The following PACS1 variants were observed in gnomAD, a reference collection of about 807,000 sequenced individuals.
PACS1 encodes phosphofurin acidic cluster sorting protein 1, also known as PACS-1.
A neutral mutation model predicts 115.0 loss-of-function variants in PACS1; 24 were observed. The ratio of observed to expected loss-of-function variants is 0.21; its 90% CI spans 0.15 to 0.29. The LOEUF (loss-of-function observed/expected upper bound fraction) is 0.29, where lower values mean the gene tolerates loss of function less well. Among genes scored for constraint, PACS1 ranks in the 10% least tolerant of loss-of-function variants. PACS1 has a pLI of 1.00. For missense variants in PACS1, 838 were observed against 1,251.2 expected (o/e 0.67, Z 4.98); for synonymous variants, 453 against 504.5 (o/e 0.90, Z 1.37).
intron 1 of PACS1, among the ~76,000 whole-genome samples, chr11:66,120,699 A>T (rs2134560986): frequency 1.3e-5 from 2 of 152,306 alleles, no homozygotes; most frequent in African/African-American, 4.8e-5. Flanking sequence ...CCTCCTGGGA[A>T]TGATAATAAT....
rs537020792 is a variant in PACS1, at chr11:66,213,026, T to C, written c.660+1767T>C. The stretch of plus-strand genomic sequence containing the variant: ...CACCATGCCCGGCTAATTTTTTTTA[T>C]ATTTTTAGTAGAGATGGGGTTTCAC... On this transcript the variant is annotated intron_variant, in intron 4 of 23. Transcript: ENST00000320580. 2.0e-5 allele frequency among the ~76,000 whole-genome samples: 3 copies of C among 152,256 alleles called. 1 individual carries two copies. The South Asian group carries it at 6.2e-4, about 32-fold the overall frequency.
chr11:66,100,984 C>T (rs56269595), intron 1 of PACS1: 81,486 of 445,362 alleles, frequency 0.18, 9,374 homozygotes, highest in Admixed American at 0.37. Flanking sequence ...CTCATTTCTA[C>T]TGCATTCTGC....
At chr11:66,232,356 A>G (rs1855614732) in intron 14 of PACS1, 80 bp downstream of exon 14, 2 of 801,240 alleles carry the variant, frequency 2.5e-6, no homozygotes, top group Admixed American at 3.9e-5. Flanking sequence ...TGGCCTCCAT[A>G]CTATTGCGTG....
At chr11:66,232,601 C>T (rs1035204692) in intron 14 of PACS1, among the ~76,000 whole-genome samples, 5 of 152,226 alleles carry the variant, frequency 3.3e-5, no homozygotes, top group African/African-American at 1.2e-4. Flanking sequence ...TGTAGAGAAG[C>T]ACCCGGCTGT....
chr11:66,212,063 G>A (rs2134701782), intron 4 of PACS1, among the ~76,000 whole-genome samples: 1 of 152,274 alleles, frequency 6.6e-6, no homozygotes, highest in East Asian at 1.9e-4. Context: ...TCTGTTCTCA[G>A]TGCAGCTTAG....
intron 1 of PACS1, among the ~76,000 whole-genome samples, chr11:66,136,161 AC>A (rs950100794): frequency 3.3e-5 from 5 of 151,958 alleles, no homozygotes; most frequent in Non-Finnish European, 7.4e-5. Context: ...CTCACACTCA[AC>A]CCTCCAGCAC....
chr11:66,140,966 T>C (rs771451372), intron 1 of PACS1, among the ~76,000 whole-genome samples: 12 of 152,180 alleles, frequency 7.9e-5, no homozygotes, highest in Non-Finnish European at 1.5e-4. Flanking sequence ...ACCATACATA[T>C]CGTGGTATCT....
At position 66,180,542 on chromosome 11, in the gene PACS1, A is replaced by T. The variant is rs1859984933; in HGVS notation, c.357-12944A>T. Among the ~76,000 whole-genome samples the T allele has an allele frequency of 2.0e-5, 3 of 152,100 alleles. No homozygotes were observed. The South Asian group carries it at 6.2e-4, about 32-fold the overall frequency. ...GCTAATTTTTGTATTTTTAGTAGAG[A>T]CAGGGTTTCACCATGTTGGCCAAAA... On this transcript the variant is annotated intron_variant, in intron 1 of 23. Coordinates refer to ENST00000320580, the MANE Select transcript of PACS1 (RefSeq NM_018026.4).
chr11:66,197,861 T>C (rs920649240), intron 2 of PACS1, among the ~76,000 whole-genome samples: 2 of 152,244 alleles, frequency 1.3e-5, no homozygotes, highest in Non-Finnish European at 2.9e-5. Context: ...AATGCTCCTC[T>C]GTTTTCCAAC....
chr11:66,123,201 T>TTG (rs1858485346), intron 1 of PACS1, among the ~76,000 whole-genome samples: 1 of 151,508 alleles, frequency 6.6e-6, no homozygotes, highest in African/African-American at 2.4e-5. Flanking sequence ...TTTTTTTTTT[T>TTG]TTTTTAATGA....
chr11:66,105,869 G>A (rs556151818), intron 1 of PACS1, among the ~76,000 whole-genome samples: 1 of 152,226 alleles, frequency 6.6e-6, no homozygotes, highest in East Asian at 1.9e-4. Flanking sequence ...AAGCATCCTT[G>A]GCTGGAACCT....
chr11:66,132,506 C>G (rs1394445260), intron 1 of PACS1, among the ~76,000 whole-genome samples: 1 of 152,080 alleles, frequency 6.6e-6, no homozygotes, highest in African/African-American at 2.4e-5. Context: ...TACACACATC[C>G]TCCCTCGTAC....
intron 1 of PACS1, among the ~76,000 whole-genome samples, chr11:66,149,487 T>G (rs1171619450): frequency 6.6e-6 from 1 of 152,102 alleles, no homozygotes; most frequent in African/African-American, 2.4e-5. Context: ...AAATAAGAGG[T>G]TTTTTTCCTA....
In PACS1 at chr11:66,166,873, C is replaced by A. The variant is rs116472381; in HGVS notation, c.357-26613C>A. ...TATGAGTTGGTATTATTACGATGCT[C>A]ATTTTTCAGATGAGGGAGCAGAGAC... is the stretch of plus-strand genomic sequence containing the variant. On this transcript the variant is annotated intron_variant, in intron 1 of 23. Transcript: ENST00000320580. Among the ~76,000 whole-genome samples the A allele has an allele frequency of 3.2e-3, 486 of 150,360 alleles. 37 individuals are homozygous for A. The highest frequency in any genetic ancestry group is 0.011 in the African/African-American group (456 of 39,742).
chr11:66,195,769 C>G (rs772821783), intron 2 of PACS1, among the ~76,000 whole-genome samples: 3 of 152,118 alleles, frequency 2.0e-5, no homozygotes, highest in Non-Finnish European at 4.4e-5. Context: ...AAACATTGTT[C>G]TAGGCACAGG....
At chr11:66,136,187 T>C (rs1858839818) in intron 1 of PACS1, among the ~76,000 whole-genome samples, 1 of 152,076 alleles carries the variant, frequency 6.6e-6, no homozygotes, top group African/African-American at 2.4e-5. Context: ...TCACTCTCTT[T>C]CAAAATTGTG....
chr11:66,233,172 A>G lies in PACS1; in HGVS notation c.1838+106A>G. The G allele has an allele frequency of 1.2e-6, 1 of 817,082 alleles. No homozygotes were observed. Among genetic ancestry groups the G allele is most frequent in the Non-Finnish European group, 2.0e-6 (1 of 508,144 alleles). The allele number at this position is 817,082 out of a possible 1,614,324, so 50.6% of individuals were successfully genotyped here. A position where few individuals can be genotyped will look rare whatever the true frequency, so the allele number is the denominator to read the frequency against. On this transcript the variant is annotated intron_variant, in intron 15 of 23. Transcript: ENST00000320580. This position sits in a 1 kb window ranked among gnomAD's most constrained non-coding sequence, Gnocchi z 4.5. ...TAGACCCTCCTGGCCTCATCAGACC[A>G]AGAATTTGCAGAGGGGCGTATGTTT...
chr11:66,098,083 G>T (rs1280767686), intron 1 of PACS1, among the ~76,000 whole-genome samples: 2 of 152,108 alleles, frequency 1.3e-5, no homozygotes, highest in South Asian at 2.1e-4. Flanking sequence ...AGGCTGAGGC[G>T]CAAGAATCAC....
intron 1 of PACS1, among the ~76,000 whole-genome samples, chr11:66,090,128 A>T (rs1857634143): frequency 6.6e-6 from 1 of 151,874 alleles, no homozygotes; most frequent in Non-Finnish European, 1.5e-5. Flanking sequence ...GGATCCATCC[A>T]GTTTGGGGTT....
Sources: gnomAD v4.1 joint callset for allele counts (sites outside exome capture counted in the v4.1 genomes callset) on GRCh38, gnomAD v4.1.1 for gene constraint, Gnocchi (gnomAD v3.1) non-coding constraint, MANE v1.5 for transcripts, NCBI Gene and HGNC (gene_info 2026-07-23, HGNC 2026-07-21) for gene names.